FAM120A: variants seen among roughly 807,000 people sequenced by gnomAD.
The protein encoded by FAM120A is family with sequence similarity 120 member A.
Under a neutral mutation model 109.7 loss-of-function variants are expected in FAM120A, and 15 were observed. The ratio of observed to expected loss-of-function variants is 0.14; its 90% CI spans 0.09 to 0.21. FAM120A has a LOEUF of 0.21. Among genes scored for constraint, FAM120A ranks in the 10% least tolerant of loss-of-function variants. The probability of loss-of-function intolerance (pLI) is 1.00; values close to 1 mark genes in which losing one functional copy is unlikely to be tolerated. For missense variants in FAM120A, 899 were observed against 1,439.3 expected (o/e 0.62, Z 6.07); for synonymous variants, 493 against 572.8 (o/e 0.86, Z 1.99).
chr9:93,517,542 T>C (rs1218086843), intron 7 of FAM120A, among the ~76,000 whole-genome samples: 1 of 152,234 alleles, frequency 6.6e-6, no homozygotes, highest in Non-Finnish European at 1.5e-5. Flanking sequence ...CATTTTGTTG[T>C]AAAACGTGAC....
intron 5 of FAM120A, among the ~76,000 whole-genome samples, chr9:93,509,561 G>A (rs1255657421): frequency 6.6e-6 from 1 of 152,146 alleles, no homozygotes; most frequent in South Asian, 2.1e-4. Context: ...TTTTCATGAG[G>A]TATTCAATAT....
At chr9:93,458,827 C>T (rs1857666928) in intron 1 of FAM120A, among the ~76,000 whole-genome samples, 1 of 152,168 alleles carries the variant, frequency 6.6e-6, no homozygotes, top group Non-Finnish European at 1.5e-5. Context: ...GCCACATCTT[C>T]AGGGAGGTCA....
chr9:93,562,490 C>G (rs1349915438), intron 17 of FAM120A, among the ~76,000 whole-genome samples, 186 bp downstream of exon 17: 1 of 152,144 alleles, frequency 6.6e-6, no homozygotes, highest in East Asian at 1.9e-4. Context: ...GAGCCCAGAT[C>G]ATTTTGCTGT....
chr9:93,503,918 G>A (rs1283833466), intron 5 of FAM120A, among the ~76,000 whole-genome samples: 1 of 152,140 alleles, frequency 6.6e-6, no homozygotes, highest in Non-Finnish European at 1.5e-5. Flanking sequence ...GTGCTGAATG[G>A]TGTGGTAAAT....
At chr9:93,511,834 C>T (rs952196781) in intron 5 of FAM120A, among the ~76,000 whole-genome samples, 9 of 152,174 alleles carry the variant, frequency 5.9e-5, no homozygotes, top group African/African-American at 2.2e-4. Context: ...ATTCTGTCAC[C>T]CAGGCCAGAG....
At chr9:93,558,874 T>C (rs1485219043) in intron 15 of FAM120A, among the ~76,000 whole-genome samples, 156 bp downstream of exon 15, 1 of 152,144 alleles carries the variant, frequency 6.6e-6, no homozygotes, top group East Asian at 1.9e-4. Context: ...TGACCACTCC[T>C]CCTGAGACTC....
At chr9:93,555,144 C>G (rs1342938844) in intron 12 of FAM120A, among the ~76,000 whole-genome samples, 1 of 152,060 alleles carries the variant, frequency 6.6e-6, no homozygotes, top group Non-Finnish European at 1.5e-5. Flanking sequence ...AAAAATGCAT[C>G]TAATTCTATC....
chr9:93,558,695 G>A lies in FAM120A; in HGVS notation c.2783G>A (p.Ser928Asn). 1.2e-6 allele frequency: 2 copies of A among 1,614,054 alleles called. No homozygotes were observed. Among genetic ancestry groups the A allele is most frequent in the Non-Finnish European group, 1.7e-6 (2 of 1,180,004 alleles). ...GGAGCCTTCTCAGGCAGTGACAGCA[G>A]CAGGACTAGCAAGTCCCAGGGCGGT... ...HCGAFSGSDS[S>N]RTSKSQGGVQ... Residue 928 changes from serine to asparagine, a missense_variant, in exon 15 of 18, where the codon AGC (serine) becomes AAC (asparagine). Ser to Asn is a conservative substitution (Grantham distance 46). Transcript: ENST00000277165.
intron 1 of FAM120A, among the ~76,000 whole-genome samples, chr9:93,463,416 C>A (rs997072585): frequency 2.6e-5 from 4 of 152,144 alleles, no homozygotes; most frequent in Non-Finnish European, 4.4e-5. Flanking sequence ...TTTCAGCTTA[C>A]CTGAAGAGAG....
At chr9:93,467,213 T>C (rs903154032) in intron 1 of FAM120A, among the ~76,000 whole-genome samples, 1 of 150,610 alleles carries the variant, frequency 6.6e-6, no homozygotes, top group African/African-American at 2.4e-5. Flanking sequence ...TCATTCAGAG[T>C]TTTTTGTGAT....
At chr9:93,463,589 A>G (rs1857889451) in intron 1 of FAM120A, among the ~76,000 whole-genome samples, 2 of 152,160 alleles carry the variant, frequency 1.3e-5, no homozygotes, top group South Asian at 2.1e-4. Flanking sequence ...AGTTTTTCCC[A>G]TTTCATACCT....
rs1164934666 is a variant in FAM120A at position 93,452,936 on chromosome 9, C to T, written c.474+547C>T. 22 of 1,411,684 alleles carry T rather than the reference C, an allele frequency of 1.6e-5. No homozygotes were observed. Among genetic ancestry groups the T allele is most frequent in the South Asian group, 3.1e-5 (2 of 64,698 alleles). 87.4% of individuals were successfully genotyped at this position (1,411,684 alleles called of 1,614,324 possible). ...GTGACAGCGAGACGTGTCTAAGGGC[C>T]AGTGCCCTGGCCTCTACTTCAGAAC... On this transcript the variant is annotated intron_variant, in intron 1 of 17. Transcript: ENST00000277165. The surrounding 1 kb of genome is among the most constrained non-coding windows in gnomAD (Gnocchi z 7.0).
At chr9:93,524,224 G>A (rs1860970322) in intron 7 of FAM120A, among the ~76,000 whole-genome samples, 1 of 152,118 alleles carries the variant, frequency 6.6e-6, no homozygotes, top group Admixed American at 6.5e-5. Flanking sequence ...ATTTGCCTTT[G>A]CTCTTTCCTG....
intron 3 of FAM120A, among the ~76,000 whole-genome samples, chr9:93,482,929 C>T (rs1858884414): frequency 6.6e-6 from 1 of 152,200 alleles, no homozygotes; most frequent in Non-Finnish European, 1.5e-5. Flanking sequence ...CATGCAGTGC[C>T]TGGAGCCAGC....
In FAM120A at chr9:93,452,255, A is replaced by G; in HGVS notation, c.340A>G (p.Asn114Asp). ...RLHEWVKRQG[N>D]ERQTAQQIVS... ...GCACGAGTGGGTCAAGCGGCAGGGC[A>G]ACGAGCGCCAGACGGCACAGCAGAT... The change falls in exon 1 of 18, where the codon AAC becomes GAC. Residue 114 changes from asparagine to aspartate, a missense_variant. By Grantham distance (23) the Asn-to-Asp change is conservative. This residue lies in a region of FAM120A where 258 missense variants were observed against 451.4 expected (regional missense o/e 0.57). Coordinates refer to ENST00000277165, the MANE Select transcript of FAM120A (RefSeq NM_014612.5). The surrounding 1 kb of genome is among the most constrained non-coding windows in gnomAD (Gnocchi z 7.0). 1 of 1,610,678 alleles carries G rather than the reference A, an allele frequency of 6.2e-7. No individual in the cohort carries two copies. The highest frequency in any genetic ancestry group is 2.2e-5 in the East Asian group (1 of 44,768).
intron 5 of FAM120A, among the ~76,000 whole-genome samples, chr9:93,513,598 GTT>G (rs1860436142): frequency 6.6e-6 from 1 of 152,160 alleles, no homozygotes; most frequent in Non-Finnish European, 1.5e-5. Context: ...CTCTGCCAAG[GTT>G]TTTTCTTGAT....
At chr9:93,551,326 G>A (rs933949654) in intron 12 of FAM120A, among the ~76,000 whole-genome samples, 1 of 152,008 alleles carries the variant, frequency 6.6e-6, no homozygotes, top group African/African-American at 2.4e-5. Flanking sequence ...TAATTTTTCA[G>A]TGTGGATATC....
At chr9:93,467,258 C>CCCG (rs56698785) in intron 1 of FAM120A, among the ~76,000 whole-genome samples, 1,807 of 48,866 alleles carry the variant, frequency 0.037, 188 homozygotes, top group Middle Eastern at 0.11. Context: ...CCCCCCCCCC[C>CCCG]TTTTCCCCCA....
intron 1 of FAM120A, among the ~76,000 whole-genome samples, chr9:93,455,693 C>T (rs919816856): frequency 2.6e-5 from 4 of 151,454 alleles, no homozygotes; most frequent in South Asian, 4.2e-4. Context: ...GATGGAGTCT[C>T]ACTCTGTCTC....
Sources: allele counts gnomAD v4.1 joint callset (sites outside exome capture counted in the v4.1 genomes callset), GRCh38; gene constraint gnomAD v4.1.1; regional missense constraint gnomAD v4.1.1; non-coding constraint Gnocchi (gnomAD v3.1); transcripts MANE v1.5; gene names NCBI Gene and HGNC (gene_info 2026-07-23, HGNC 2026-07-21).